Variants in GOLIM4 observed in about 807,000 individuals in gnomAD.
The protein encoded by GOLIM4 is 130 kDa golgi-localized phosphoprotein.
GOLIM4 carries 71 observed loss-of-function variants against 107.4 expected under a neutral mutation model. That is an observed-to-expected ratio of 0.66 (90% CI 0.55 to 0.81). GOLIM4 has a LOEUF of 0.81. Ranked by LOEUF, GOLIM4 falls within the 30% of genes least tolerant of loss-of-function variation. The pLI is 0.00. For synonymous variants in GOLIM4, 327 were observed against 294.8 expected (o/e 1.11, Z -1.12); for missense variants, 830 against 826.1 (o/e 1.00, Z -0.06).
chr3:168,075,286 G>GGT (rs1353095665), intron 1 of GOLIM4, among the ~76,000 whole-genome samples: 1 of 94,224 alleles, frequency 1.1e-5, no homozygotes, highest in African/African-American at 4.3e-5. Flanking sequence ...ACATTCACTA[G>GGT]TTTTTTTTTT....
intron 1 of GOLIM4, among the ~76,000 whole-genome samples, chr3:168,068,042 AT>A (rs955882067): frequency 6.6e-6 from 1 of 152,122 alleles, no homozygotes; most frequent in Middle Eastern, 3.2e-3. Flanking sequence ...AATTTTACAC[AT>A]TTTTAACTTC....
At chr3:168,078,271 T>C (rs1721168199) in intron 1 of GOLIM4, among the ~76,000 whole-genome samples, 1 of 152,196 alleles carries the variant, frequency 6.6e-6, no homozygotes, top group African/African-American at 2.4e-5. Flanking sequence ...AAATATTTTG[T>C]TAATTTTTTC....
intron 4 of GOLIM4, among the ~76,000 whole-genome samples, chr3:168,044,277 C>T (rs1055541010): frequency 3.3e-5 from 5 of 152,128 alleles, no homozygotes; most frequent in East Asian, 1.9e-4. Context: ...CTGCATCCTG[C>T]GAGAAGGGCA....
chr3:168,019,036 A>G (rs1441049758), intron 14 of GOLIM4, among the ~76,000 whole-genome samples: 1 of 152,062 alleles, frequency 6.6e-6, no homozygotes, highest in Non-Finnish European at 1.5e-5. Context: ...ACAAGCAGAC[A>G]TGTTTGTGTT....
intron 14 of GOLIM4, 146 bp downstream of exon 14, chr3:168,024,380 C>G (rs1717878188): frequency 1.5e-6 from 1 of 659,942 alleles, no homozygotes; most frequent in African/African-American, 1.8e-5. Flanking sequence ...TCCATTTTTG[C>G]TTTAAACCAC....
At chr3:168,024,685 T>C in intron 13 of GOLIM4, 91 bp from the exon 14 acceptor site, 4 of 1,074,854 alleles carry the variant, frequency 3.7e-6, no homozygotes, top group Non-Finnish European at 5.7e-6. Context: ...CATGCCACCA[T>C]GAAAAGGGCA....
At chr3:168,070,031 C>T (rs1354658887) in intron 1 of GOLIM4, among the ~76,000 whole-genome samples, 1 of 152,136 alleles carries the variant, frequency 6.6e-6, no homozygotes, top group East Asian at 1.9e-4. Flanking sequence ...AAACATAATC[C>T]TTACTTTACT....
At chr3:168,020,204 A>G (rs990648573) in intron 14 of GOLIM4, among the ~76,000 whole-genome samples, 2 of 152,186 alleles carry the variant, frequency 1.3e-5, no homozygotes, top group African/African-American at 4.8e-5. Flanking sequence ...TGGGTGAAAA[A>G]TCAATGATCC....
intron 1 of GOLIM4, among the ~76,000 whole-genome samples, chr3:168,049,284 G>A (rs1011698039): frequency 1.3e-5 from 2 of 152,134 alleles, no homozygotes; most frequent in African/African-American, 2.4e-5. Flanking sequence ...AACTGTCCTG[G>A]ACTAGACCAG....
intron 1 of GOLIM4, among the ~76,000 whole-genome samples, chr3:168,082,607 G>A (rs569225770): frequency 1.1e-4 from 16 of 152,180 alleles, no homozygotes; most frequent in South Asian, 6.2e-4. Flanking sequence ...CTCTAAGAAC[G>A]ACAAGGCACT....
At chr3:168,041,246 A>C in intron 6 of GOLIM4, 146 bp downstream of exon 6, 1 of 565,800 alleles carries the variant, frequency 1.8e-6, no homozygotes, top group Non-Finnish European at 3.1e-6. Context: ...AAGTGGTAAA[A>C]ATATTAGGTA....
intron 1 of GOLIM4, among the ~76,000 whole-genome samples, chr3:168,061,027 T>A (rs941116622): frequency 3.3e-5 from 5 of 152,068 alleles, no homozygotes; most frequent in Admixed American, 3.3e-4. Context: ...AAAAAAAGTA[T>A]GATGGAGGTT....
At chr3:168,014,696 C>G (rs1236646708) in intron 14 of GOLIM4, among the ~76,000 whole-genome samples, 1 of 139,620 alleles carries the variant, frequency 7.2e-6, no homozygotes, top group East Asian at 2.0e-4. Context: ...CCACCATGAT[C>G]AAGTGGGCTT....
At chr3:168,040,459 C>T (rs774900542) in intron 7 of GOLIM4, among the ~76,000 whole-genome samples, 1 of 152,058 alleles carries the variant, frequency 6.6e-6, no homozygotes, top group Non-Finnish European at 1.5e-5. Context: ...AGATACTACA[C>T]CAAGAGTCAA....
intron 4 of GOLIM4, 93 bp downstream of exon 4, chr3:168,044,735 A>G (rs1719203915): frequency 2.7e-6 from 2 of 729,290 alleles, no homozygotes; most frequent in South Asian, 1.8e-5. Context: ...CAACTTCTGT[A>G]AACTTTCTTT....
At chr3:168,049,956 C>G (rs1719521632) in intron 1 of GOLIM4, among the ~76,000 whole-genome samples, 1 of 152,182 alleles carries the variant, frequency 6.6e-6, no homozygotes, top group Non-Finnish European at 1.5e-5. Flanking sequence ...ACATCTCCGT[C>G]TCTAACTCCT....
At chr3:168,056,708 T>TG (rs1719992615) in intron 1 of GOLIM4, among the ~76,000 whole-genome samples, 1 of 152,220 alleles carries the variant, frequency 6.6e-6, no homozygotes, top group Admixed American at 6.5e-5. Context: ...TGGTCTTGCG[T>TG]GGGGCCCCCA....
chr3:168,062,533 A>T (rs895808418), intron 1 of GOLIM4, among the ~76,000 whole-genome samples: 1 of 152,108 alleles, frequency 6.6e-6, no homozygotes, highest in African/African-American at 2.4e-5. Context: ...AGATTTTGTC[A>T]GGTGCCCTCC....
intron 8 of GOLIM4, among the ~76,000 whole-genome samples, chr3:168,036,402 G>A (rs1391668329): frequency 1.3e-5 from 2 of 152,148 alleles, no homozygotes; most frequent in East Asian, 1.9e-4. Context: ...TTAGCCAGGC[G>A]TGGTGGCGGG....
Sources: gnomAD v4.1 joint callset for allele counts (sites outside exome capture counted in the v4.1 genomes callset) on GRCh38, gnomAD v4.1.1 for gene constraint, MANE v1.5 for transcripts, NCBI Gene and HGNC (gene_info 2026-07-23, HGNC 2026-07-21) for gene names.